Variants in CDC14B observed in about 807,000 individuals in gnomAD.
The protein encoded by CDC14B is dual specificity protein phosphatase CDC14B.
In CDC14B, 22 loss-of-function variants were observed where a neutral mutation model predicts 64.2. That is an observed-to-expected ratio of 0.34 (90% CI 0.24 to 0.49). CDC14B has a LOEUF of 0.49. Among genes scored for constraint, CDC14B ranks in the 20% least tolerant of loss-of-function variants. CDC14B has a pLI of 0.99. For synonymous variants in CDC14B, 191 were observed against 215.8 expected (o/e 0.89, Z 1.01); for missense variants, 498 against 629.9 (o/e 0.79, Z 2.24).
At chr9:96,566,843 C>T in intron 1 of CDC14B, 2 of 1,595,954 alleles carry the variant, frequency 1.3e-6, no homozygotes, top group Non-Finnish European at 1.7e-6. Flanking sequence ...GAAGGCGGGG[C>T]AGAGGCAAGG....
chr9:96,507,310 G>GAA, intron 13 of CDC14B, among the ~76,000 whole-genome samples: 1 of 95,372 alleles, frequency 1.0e-5, no homozygotes, highest in Non-Finnish European at 2.1e-5. Flanking sequence ...CCATGTCAAA[G>GAA]GAAAAAAAAA....
intron 5 of CDC14B, among the ~76,000 whole-genome samples, chr9:96,548,939 C>G (rs1015675012): frequency 4.6e-5 from 7 of 152,040 alleles, no homozygotes; most frequent in Non-Finnish European, 1.0e-4. Flanking sequence ...GTTAGCAATA[C>G]TTTGTTGGTC....
chr9:96,532,922 T>C (rs2131702677), intron 9 of CDC14B, among the ~76,000 whole-genome samples: 2 of 152,312 alleles, frequency 1.3e-5, no homozygotes, highest in South Asian at 4.1e-4. Context: ...TTAAAATTTT[T>C]TGCCTACTAA....
At chr9:96,551,202 G>A (rs572414711) in intron 5 of CDC14B, among the ~76,000 whole-genome samples, 32 of 145,148 alleles carry the variant, frequency 2.2e-4, no homozygotes, top group Admixed American at 7.8e-4. Flanking sequence ...CTGCACCCTC[G>A]AACTCCTAGG....
chr9:96,568,275 C>T (rs1844249424), intron 1 of CDC14B, among the ~76,000 whole-genome samples: 1 of 152,112 alleles, frequency 6.6e-6, no homozygotes, highest in South Asian at 2.1e-4. Flanking sequence ...CTGGGGAAGA[C>T]CTTGCTAAAT....
chr9:96,512,587 G>A (rs1835063624), intron 12 of CDC14B, among the ~76,000 whole-genome samples: 2 of 152,052 alleles, frequency 1.3e-5, no homozygotes, highest in Admixed American at 6.6e-5. Flanking sequence ...ACCTTCCAAA[G>A]TGTTGGGATT....
chr9:96,544,725 G>A (rs1402104089), intron 5 of CDC14B, among the ~76,000 whole-genome samples: 1 of 152,100 alleles, frequency 6.6e-6, no homozygotes, highest in Non-Finnish European at 1.5e-5. Context: ...TCGAACTCCT[G>A]AGCTCAAGCA....
intron 1 of CDC14B, chr9:96,618,736 G>C (rs1847796889): frequency 7.8e-6 from 3 of 386,892 alleles, no homozygotes; most frequent in South Asian, 5.8e-5. Context: ...ACGGAGCAGC[G>C]GGGGTTTGGC....
At chr9:96,529,617 G>A (rs542022374) in intron 9 of CDC14B, among the ~76,000 whole-genome samples, 25 of 150,532 alleles carry the variant, frequency 1.7e-4, no homozygotes, top group Non-Finnish European at 2.7e-4. Context: ...TAAGCTTCCC[G>A]AGTAGCTGGG....
intron 7 of CDC14B, 51 bp from the exon 8 acceptor site, chr9:96,534,593 A>T (rs1159912892): frequency 1.7e-6 from 2 of 1,192,558 alleles, no homozygotes; most frequent in South Asian, 2.5e-5. Context: ...TCTCCCCACA[A>T]CCTCTCTACT....
At chr9:96,497,628 C>T (rs181897952), downstream of CDC14B, among the ~76,000 whole-genome samples, 15 of 152,306 alleles carry the variant, frequency 9.8e-5, no homozygotes, top group African/African-American at 2.9e-4. Context: ...GGGAGAGGAG[C>T]GGGCAGCGGC....
At chr9:96,519,882 C>CTAAA (rs1405026197) in intron 12 of CDC14B, among the ~76,000 whole-genome samples, 9 of 152,156 alleles carry the variant, frequency 5.9e-5, no homozygotes, top group Non-Finnish European at 1.2e-4. Context: ...AGTGCCAATG[C>CTAAA]TAAAGCAAAA....
At chr9:96,498,835 G>A (rs972445992), downstream of CDC14B, among the ~76,000 whole-genome samples, 14 of 152,248 alleles carry the variant, frequency 9.2e-5, 1 homozygote, top group Admixed American at 8.5e-4. Context: ...GAGGGGATGA[G>A]CAAATCCCGC....
chr9:96,554,380 C>T (rs1309725765), intron 4 of CDC14B, among the ~76,000 whole-genome samples: 1 of 152,080 alleles, frequency 6.6e-6, no homozygotes, highest in Non-Finnish European at 1.5e-5. Flanking sequence ...GATAATTTTT[C>T]CTGCTTGTGA....
intron 9 of CDC14B, among the ~76,000 whole-genome samples, chr9:96,532,006 C>T (rs1464030073): frequency 1.3e-5 from 2 of 152,038 alleles, no homozygotes; most frequent in Non-Finnish European, 2.9e-5. Context: ...TTATTATATC[C>T]AAGGTTTTGC....
At chr9:96,570,842 G>T (rs1263874396) in intron 1 of CDC14B, among the ~76,000 whole-genome samples, 1 of 152,200 alleles carries the variant, frequency 6.6e-6, no homozygotes, top group African/African-American at 2.4e-5. Context: ...TCACAAAGCT[G>T]CTGGGAAGTG....
At chr9:96,618,302 T>C (rs1232568656) in intron 1 of CDC14B, among the ~76,000 whole-genome samples, 3 of 152,338 alleles carry the variant, frequency 2.0e-5, no homozygotes, top group African/African-American at 7.2e-5. Context: ...GAAAACAGAC[T>C]GCCAATTCCC....
chr9:96,555,641 G>C (rs1293516365), intron 4 of CDC14B, among the ~76,000 whole-genome samples: 1 of 152,206 alleles, frequency 6.6e-6, no homozygotes, highest in Non-Finnish European at 1.5e-5. Context: ...TACATGAGGC[G>C]TAAGCACAGA....
chr9:96,588,352 C>T (rs970236925), intron 1 of CDC14B, among the ~76,000 whole-genome samples: 2 of 152,192 alleles, frequency 1.3e-5, no homozygotes, highest in Non-Finnish European at 2.9e-5. Context: ...AGCAACTCCA[C>T]TGGAAGCCAA....
Sources: gnomAD v4.1 joint callset for allele counts (sites outside exome capture counted in the v4.1 genomes callset) on GRCh38, gnomAD v4.1.1 for gene constraint, MANE v1.5 for transcripts, NCBI Gene and HGNC (gene_info 2026-07-23, HGNC 2026-07-21) for gene names.